AKAP6: variants seen among roughly 807,000 people sequenced by gnomAD.
AKAP6 encodes A-kinase anchoring protein 6, also known as A-kinase anchor protein 6.
In AKAP6, 58 loss-of-function variants were observed where a neutral mutation model predicts 188.5. The observed-to-expected ratio is 0.31, with a 90% CI of 0.25 to 0.38. The LOEUF (loss-of-function observed/expected upper bound fraction) is 0.38, where lower values mean the gene tolerates loss of function less well. Ranked by LOEUF, AKAP6 falls within the 10% of genes least tolerant of loss-of-function variation. AKAP6 has a pLI of 1.00. For synonymous variants in AKAP6, 989 were observed against 998.6 expected (o/e 0.99, Z 0.18); for missense variants, 2,710 against 2,740.0 (o/e 0.99, Z 0.24).
At chr14:32,608,499 CAAA>C (rs34523121) in intron 7 of AKAP6, among the ~76,000 whole-genome samples, 2 of 105,036 alleles carry the variant, frequency 1.9e-5, no homozygotes, top group Admixed American at 1.0e-4. Flanking sequence ...GAGTCTGTCT[CAAA>C]AAAAAAAAAA....
chr14:32,370,668 A>C (rs1237739548), intron 1 of AKAP6, among the ~76,000 whole-genome samples: 3 of 152,248 alleles, frequency 2.0e-5, no homozygotes, highest in Non-Finnish European at 4.4e-5. Context: ...ATCTTTTACT[A>C]CACTGTAAAC....
chr14:32,535,899 A>T, intron 3 of AKAP6, 94 bp downstream of exon 3: 1 of 1,510,224 alleles, frequency 6.6e-7, no homozygotes. Flanking sequence ...AATTCTTTGT[A>T]GGTAAATAAG....
At chr14:32,705,609 A>G (rs1890781764) in intron 9 of AKAP6, among the ~76,000 whole-genome samples, 1 of 152,074 alleles carries the variant, frequency 6.6e-6, no homozygotes, top group Admixed American at 6.6e-5. Flanking sequence ...ATTTTCCTTA[A>G]TTCATAGACC....
At chr14:32,446,418 A>G (rs1455229975) in intron 2 of AKAP6, among the ~76,000 whole-genome samples, 1 of 152,156 alleles carries the variant, frequency 6.6e-6, no homozygotes, top group African/African-American at 2.4e-5. Flanking sequence ...GTAGGATACA[A>G]GGTTTCCTTT....
intron 2 of AKAP6, among the ~76,000 whole-genome samples, chr14:32,490,804 T>C (rs1172960292): frequency 3.3e-5 from 5 of 152,218 alleles, no homozygotes; most frequent in Admixed American, 6.5e-5. Flanking sequence ...CAGAACTGAT[T>C]CTTATTTGTC....
intron 4 of AKAP6, among the ~76,000 whole-genome samples, chr14:32,558,478 G>T (rs1389988745): frequency 6.6e-6 from 1 of 152,142 alleles, no homozygotes; most frequent in Non-Finnish European, 1.5e-5. Context: ...CTTGATCTGG[G>T]CCTTGAATGA....
At position 32,542,905 on chromosome 14, in the gene AKAP6, G is replaced by C. The variant is rs556157359; in HGVS notation, c.577-2325G>C. Among the ~76,000 whole-genome samples, 3 of 152,110 alleles carry C rather than the reference G, an allele frequency of 2.0e-5. 1 individual carries two copies. In the South Asian group the frequency reaches 6.2e-4, roughly 32 times the overall value. On this transcript the variant is annotated intron_variant, in intron 3 of 13. Coordinates refer to ENST00000280979, the MANE Select transcript of AKAP6 (RefSeq NM_004274.5). ...TTTGCATTGAAGTGTGTCATTTTTT[G>C]TTTTTATTATTTTTAATTGACACAT...
rs1235882562 is a variant in AKAP6 at position 32,833,900 on chromosome 14, C to T, written c.*4095C>T. On this transcript the variant is annotated 3_prime_UTR_variant, in exon 14 of 14. Coordinates refer to ENST00000280979, the MANE Select transcript of AKAP6 (RefSeq NM_004274.5). The stretch of plus-strand genomic sequence containing the variant: ...GAGAGTAGAACAAAGATACTTGGTA[C>T]TCATCCCTCAGGTTCATTTATTGTT... 4 of 152,092 alleles carry T rather than the reference C, an allele frequency of 2.6e-5. No homozygotes were observed. Among genetic ancestry groups the T allele is most frequent in the Non-Finnish European group, 5.9e-5 (4 of 68,014 alleles). The allele number at this position is 152,092 out of a possible 1,614,324, so 9.4% of individuals were successfully genotyped here.
At chr14:32,579,692 G>T (rs535013729) in intron 5 of AKAP6, among the ~76,000 whole-genome samples, 49 of 152,132 alleles carry the variant, frequency 3.2e-4, no homozygotes, top group African/African-American at 1.2e-3. Context: ...GTTTCCATAT[G>T]AGTCTATATT....
chr14:32,678,497 A>G, intron 8 of AKAP6, 38 bp downstream of exon 8: 1 of 1,607,138 alleles, frequency 6.2e-7, no homozygotes, highest in Non-Finnish European at 8.5e-7. Flanking sequence ...ATTCTCACTA[A>G]TCTATTTTTT....
chr14:32,710,609 G>GA (rs933874498), intron 9 of AKAP6, among the ~76,000 whole-genome samples: 7 of 151,430 alleles, frequency 4.6e-5, no homozygotes, highest in Non-Finnish European at 8.8e-5. Flanking sequence ...AATCACAGAC[G>GA]AAAAAAAACA....
chr14:32,624,305 C>T (rs1415253944), intron 7 of AKAP6, among the ~76,000 whole-genome samples: 1 of 152,082 alleles, frequency 6.6e-6, no homozygotes. Flanking sequence ...GTCTTCTTTT[C>T]TTAAAACATA....
intron 1 of AKAP6, among the ~76,000 whole-genome samples, chr14:32,406,141 TC>T (rs1434695875): frequency 6.6e-6 from 1 of 152,192 alleles, no homozygotes. Flanking sequence ...TTTAAGTGTG[TC>T]AGGACTGATA....
intron 2 of AKAP6, among the ~76,000 whole-genome samples, chr14:32,477,346 T>G (rs1156594271): frequency 6.6e-6 from 1 of 152,194 alleles, no homozygotes; most frequent in Non-Finnish European, 1.5e-5. Context: ...GCCTGGAATT[T>G]CCATTGAAGG....
chr14:32,379,045 A>G (rs1888254913), intron 1 of AKAP6, among the ~76,000 whole-genome samples: 1 of 150,326 alleles, frequency 6.7e-6, no homozygotes, highest in Admixed American at 6.7e-5. Context: ...CAGCCTCTGG[A>G]GTTGCTGGGA....
chr14:32,519,872 C>T (rs1021269230), intron 2 of AKAP6, among the ~76,000 whole-genome samples: 1 of 152,180 alleles, frequency 6.6e-6, no homozygotes, highest in African/African-American at 2.4e-5. Flanking sequence ...GAACTCTCCA[C>T]CCCAAATCAA....
chr14:32,684,264 A>G (rs542111052), intron 8 of AKAP6, among the ~76,000 whole-genome samples: 116 of 152,308 alleles, frequency 7.6e-4, no homozygotes, highest in African/African-American at 2.4e-3. Context: ...CCTCCCTGCC[A>G]GGTGAACATA....
chr14:32,453,395 C>A (rs10141964), intron 2 of AKAP6, among the ~76,000 whole-genome samples: 2 of 151,762 alleles, frequency 1.3e-5, no homozygotes, highest in Non-Finnish European at 2.9e-5. Flanking sequence ...GGGATTTTTT[C>A]TCTATCCCTC....
intron 7 of AKAP6, among the ~76,000 whole-genome samples, chr14:32,649,047 C>A (rs985438568): frequency 2.6e-5 from 4 of 151,970 alleles, no homozygotes. Context: ...AAAATTGAAA[C>A]CTTTTTCTGC....
Sources: gnomAD v4.1 joint callset for allele counts (sites outside exome capture counted in the v4.1 genomes callset) on GRCh38, gnomAD v4.1.1 for gene constraint, MANE v1.5 for transcripts, NCBI Gene and HGNC (gene_info 2026-07-23, HGNC 2026-07-21) for gene names.